The following SSH1 variants were observed in gnomAD, a reference collection of about 807,000 sequenced individuals.
The protein encoded by SSH1 is slingshot protein phosphatase 1, also known as protein phosphatase Slingshot homolog 1.
In SSH1, 43 loss-of-function variants were observed where a neutral mutation model predicts 79.7. The observed-to-expected ratio is 0.54, with a 90% CI of 0.42 to 0.70. The LOEUF (loss-of-function observed/expected upper bound fraction) is 0.70, where lower values mean the gene tolerates loss of function less well. Ranked by LOEUF, SSH1 falls within the 30% of genes least tolerant of loss-of-function variation. The pLI is 0.00. For missense variants in SSH1, 1,206 were observed against 1,358.8 expected, an observed-to-expected ratio of 0.89 and a Z score of 1.77; for synonymous variants, 599 against 538.3, an observed-to-expected ratio of 1.11 and a Z score of -1.56.
intron 2 of SSH1, among the ~76,000 whole-genome samples, chr12:108,836,513 T>A (rs191137656): frequency 6.6e-6 from 1 of 152,332 alleles, no homozygotes; most frequent in East Asian, 1.9e-4. Flanking sequence ...CCAGCCTGGA[T>A]GAGATCCCAC....
Position 108,800,898 on chromosome 12 carries a change from C to A in SSH1, c.1030G>T (p.Glu344Ter). ...AAGCCAGGAAAAAAATTATCGATTTCTCTGGTAACATTTAAAATGTAATCA... is the reference window on the plus strand; with the variant it reads ...AAGCCAGGAAAAAAATTATCGATTTATCTGGTAACATTTAAAATGTAATCA... ...GVDYILNVTREIDNFFPGLFA... is the reference protein window; with the variant it reads ...GVDYILNVTR The change falls in exon 12 of 15, where the codon GAA becomes TAA. Residue 344 changes from glutamate to a stop codon, truncating the protein, a stop_gained. Coordinates refer to ENST00000326495, the MANE Select transcript of SSH1 (RefSeq NM_018984.4). LOFTEE classifies it high-confidence loss of function. The A allele has an allele frequency of 6.2e-7, 1 of 1,613,948 alleles. No homozygotes were observed. Among genetic ancestry groups the A allele is most frequent in the South Asian group, 1.1e-5 (1 of 91,072 alleles).
Position 108,787,922 on chromosome 12 carries a change from C to T in SSH1, c.*66G>A. On this transcript the variant is annotated 3_prime_UTR_variant, in exon 15 of 15. Coordinates refer to ENST00000326495, the MANE Select transcript of SSH1 (RefSeq NM_018984.4). ...CAAGATGTAAGGGGTCGATCCAAAT[C>T]CACAGTGAAAGTGAGGGAGGGATCA... The T allele has an allele frequency of 1.3e-6, 2 of 1,596,734 alleles. No individual in the cohort carries two copies. The highest frequency in any genetic ancestry group is 1.7e-4 in the Middle Eastern group (1 of 5,960).
chr12:108,829,617 T>C (rs2038424560), intron 2 of SSH1, among the ~76,000 whole-genome samples: 1 of 152,194 alleles, frequency 6.6e-6, no homozygotes, highest in Non-Finnish European at 1.5e-5. Context: ...AGAAACAGCA[T>C]TTCTTGAAGA....
Position 108,800,827 on chromosome 12 carries a change from G to A in SSH1, c.1101C>T (p.Asp367=). Residue 367 remains aspartate (D), a synonymous_variant, in exon 12 of 15, where the codon GAC becomes GAT. Coordinates refer to ENST00000326495, the MANE Select transcript of SSH1 (RefSeq NM_018984.4). ...NIRVYDEETT[D]LLAHWNEAYH... is the part of the protein sequence containing the mutation. ...ACGCTTCATTCCAGTGGGCGAGGAG[G>A]TCTGTGGTCTCTTCATCGTAGACTC... 1 of 1,614,138 alleles carries A rather than the reference G, an allele frequency of 6.2e-7. No individual in the cohort carries two copies. Among genetic ancestry groups the A allele is most frequent in the Non-Finnish European group, 8.5e-7 (1 of 1,180,022 alleles).
intron 10 of SSH1, among the ~76,000 whole-genome samples, chr12:108,803,986 T>A (rs1190125891): frequency 6.6e-6 from 1 of 152,342 alleles, no homozygotes; most frequent in East Asian, 1.9e-4. Flanking sequence ...CTTCCTTAGC[T>A]TTCCCAGGAA....
chr12:108,822,667 T>G lies in SSH1; in HGVS notation c.214+591A>C, dbSNP rs534985524. Among the ~76,000 whole-genome samples the G allele has an allele frequency of 2.0e-5, 3 of 152,330 alleles. No individual in the cohort carries two copies. The South Asian group carries it at 6.2e-4, about 32-fold the overall frequency. ...ACTGCCTTCAGCTCTGAGTCAAGTC[T>G]CCTAAGAAAACCAGTCTTACTACTT... is the stretch of plus-strand genomic sequence containing the variant. On this transcript the variant is annotated intron_variant, in intron 3 of 14. Transcript: ENST00000326495.
rs760782727 is a variant in SSH1 at position 108,823,271 on chromosome 12, G to T, written c.201C>A (p.Pro67=). The change falls in exon 3 of 15, where the codon CCC becomes CCA. Residue 67 remains proline, a synonymous_variant. Coordinates refer to ENST00000326495, the MANE Select transcript of SSH1 (RefSeq NM_018984.4). ...TAGAGCCCTCACCTGCATGCTTGTG[G>T]GGGTGCTGAAGACTCCGCTGGCCTT... The part of the protein sequence containing the change: ...SPQGQRSLQH[P]HKHAGDLPQH... 105 of 1,585,886 alleles carry T rather than the reference G, an allele frequency of 6.6e-5. 1 individual carries two copies. The South Asian group carries it at 1.1e-3, about 17-fold the overall frequency.
Position 108,807,675 on chromosome 12 carries a change from A to C in SSH1, c.689T>G (p.Leu230Arg). The change falls in exon 8 of 15, where the codon CTG (leucine) becomes CGG (arginine). Residue 230 changes from leucine (L) to arginine (R), a missense_variant. Around this residue, in one of 5 missense-constraint regions of SSH1, gnomAD observed 116 missense variants for 109.0 expected, o/e 1.06. Transcript: ENST00000326495. This position sits in a 1 kb window ranked among gnomAD's most constrained non-coding sequence, Gnocchi z 5.2. The stretch of plus-strand genomic sequence containing the variant: ...GGGGGAGTCGGGCCGCGTAGACTCC[A>C]GGTCCTGCATGGCGTTCCACTCGTT... ...CINEWNAMQD[L>R]ESTRPDSPAL... 6.2e-7 allele frequency: 1 copy of C among 1,613,268 alleles called. No homozygotes were observed.
intron 2 of SSH1, 98 bp downstream of exon 2, chr12:108,852,540 A>G (rs2039063937): frequency 1.3e-6 from 2 of 1,509,846 alleles, no homozygotes; most frequent in Non-Finnish European, 9.2e-7. Flanking sequence ...CAAAATTGGC[A>G]TATTCTTTTT....
intron 13 of SSH1, among the ~76,000 whole-genome samples, chr12:108,797,189 C>T (rs2036787907): frequency 6.6e-6 from 1 of 151,988 alleles, no homozygotes; most frequent in South Asian, 2.1e-4. Context: ...TGCAGTGGCA[C>T]AATCTCGGCT....
chr12:108,812,813 A>C (rs117611654), intron 5 of SSH1, among the ~76,000 whole-genome samples: 1 of 151,994 alleles, frequency 6.6e-6, no homozygotes. Context: ...AATGATTAAC[A>C]ATAAGATTTC....
rs955609123 is a variant in SSH1, at chr12:108,783,463, G to A, written c.*4525C>T. 8 of 152,192 alleles carry A rather than the reference G, an allele frequency of 5.3e-5. No individual in the cohort carries two copies. Among genetic ancestry groups the A allele is most frequent in the African/African-American group, 1.9e-4 (8 of 41,438 alleles). The allele number at this position is 152,192 out of a possible 1,614,324, so 9.4% of individuals were successfully genotyped here. On this transcript the variant is annotated 3_prime_UTR_variant, in exon 15 of 15. Coordinates refer to ENST00000326495, the MANE Select transcript of SSH1 (RefSeq NM_018984.4). The stretch of plus-strand genomic sequence containing the variant: ...TTGTAAAACAATAATTACAGTGTAG[G>A]AAAAGAGGGAGGAAGCAGCTATCTT...
At chr12:108,816,920 C>A in intron 5 of SSH1, 118 bp downstream of exon 5, 1 of 1,503,822 alleles carries the variant, frequency 6.6e-7, no homozygotes, top group African/African-American at 1.4e-5. Context: ...ACTCCCCAGG[C>A]TCTCCATCAG....
chr12:108,827,551 A>C, intron 2 of SSH1: 5 of 1,279,224 alleles, frequency 3.9e-6, no homozygotes, highest in Non-Finnish European at 4.9e-6. Flanking sequence ...TGGCTGAAAA[A>C]GGCCCTTGTC....
At chr12:108,812,988 G>T (rs939917807) in intron 5 of SSH1, among the ~76,000 whole-genome samples, 1 of 151,516 alleles carries the variant, frequency 6.6e-6, no homozygotes, top group Non-Finnish European at 1.5e-5. Flanking sequence ...TCAGCCTCCT[G>T]AGTAGCTAGG....
intron 14 of SSH1, among the ~76,000 whole-genome samples, chr12:108,791,200 C>T (rs1047632118): frequency 6.6e-6 from 1 of 152,174 alleles, no homozygotes; most frequent in African/African-American, 2.4e-5. Context: ...ACCTCTGCCT[C>T]CTGGGTTCAA....
At chr12:108,802,235 C>T in intron 11 of SSH1, 87 bp downstream of exon 11, 6 of 1,255,884 alleles carry the variant, frequency 4.8e-6, no homozygotes, top group Non-Finnish European at 7.0e-6. Flanking sequence ...TACAGGCAGG[C>T]AGCCCCAAGG....
chr12:108,847,233 C>A (rs1256093528), intron 2 of SSH1, among the ~76,000 whole-genome samples: 1 of 152,142 alleles, frequency 6.6e-6, no homozygotes, highest in Non-Finnish European at 1.5e-5. Flanking sequence ...CTCCACAACC[C>A]TGAAAGGTCA....
chr12:108,819,678 A>T (rs1461651899), intron 3 of SSH1, among the ~76,000 whole-genome samples: 1 of 152,060 alleles, frequency 6.6e-6, no homozygotes, highest in Non-Finnish European at 1.5e-5. Flanking sequence ...AAAAGTAAAA[A>T]ATTAGCTGGG....
Sources: gnomAD v4.1 joint callset for allele counts (sites outside exome capture counted in the v4.1 genomes callset) on GRCh38, gnomAD v4.1.1 for gene constraint, gnomAD v4.1.1 regional missense constraint, Gnocchi (gnomAD v3.1) non-coding constraint, MANE v1.5 for transcripts, NCBI Gene and HGNC (gene_info 2026-07-23, HGNC 2026-07-21) for gene names.